MLLT10: variants seen among roughly 807,000 people sequenced by gnomAD.
MLLT10 encodes protein AF-10.
MLLT10 carries 30 observed loss-of-function variants against 129.1 expected under a neutral mutation model. The ratio of observed to expected loss-of-function variants is 0.23; its 90% CI spans 0.17 to 0.32. The LOEUF (loss-of-function observed/expected upper bound fraction) is 0.32, where lower values mean the gene tolerates loss of function less well. Among genes scored for constraint, MLLT10 ranks in the 10% least tolerant of loss-of-function variants. The pLI is 1.00. For synonymous variants in MLLT10, 490 were observed against 446.4 expected, an observed-to-expected ratio of 1.10 and a Z score of -1.23; for missense variants, 1,119 against 1,268.3, an observed-to-expected ratio of 0.88 and a Z score of 1.79.
chr10:21,715,280 A>T (rs1353900471), intron 14 of MLLT10, among the ~76,000 whole-genome samples: 4 of 152,230 alleles, frequency 2.6e-5, no homozygotes. Context: ...AACCCCAGAT[A>T]GTTCAGCACA....
At chr10:21,538,492 A>C (rs2034499825) in intron 2 of MLLT10, among the ~76,000 whole-genome samples, 1 of 150,996 alleles carries the variant, frequency 6.6e-6, no homozygotes, top group South Asian at 2.1e-4. Context: ...TTTTTTGTGG[A>C]GATGGAGTCT....
At chr10:21,584,442 C>T (rs1294738637) in intron 3 of MLLT10, among the ~76,000 whole-genome samples, 2 of 151,920 alleles carry the variant, frequency 1.3e-5, no homozygotes, top group Admixed American at 6.6e-5. Flanking sequence ...GGATTATAGG[C>T]GTGAGCCACC....
At chr10:21,644,687 G>A (rs1028378580) in intron 8 of MLLT10, among the ~76,000 whole-genome samples, 1 of 152,070 alleles carries the variant, frequency 6.6e-6, no homozygotes, top group Non-Finnish European at 1.5e-5. Context: ...TGTCCCCCAA[G>A]CTGGAGTGCA....
chr10:21,686,789 C>G (rs2053339165), intron 13 of MLLT10, among the ~76,000 whole-genome samples: 1 of 152,114 alleles, frequency 6.6e-6, no homozygotes, highest in Non-Finnish European at 1.5e-5. Context: ...TGAGACCAGC[C>G]TGCTCAACAT....
intron 8 of MLLT10, among the ~76,000 whole-genome samples, chr10:21,650,008 G>A (rs934324483): frequency 6.6e-6 from 1 of 152,088 alleles, no homozygotes; most frequent in Non-Finnish European, 1.5e-5. Flanking sequence ...AGCATCATTG[G>A]GTGGGAAGAT....
chr10:21,672,253 A>G (rs2051514458), intron 10 of MLLT10, among the ~76,000 whole-genome samples: 2 of 148,794 alleles, frequency 1.3e-5, no homozygotes, highest in South Asian at 4.2e-4. Flanking sequence ...GCTGGAGGGC[A>G]GTCATGTGAT....
In MLLT10 at chr10:21,563,634, G is replaced by GTTTTGTTTAATTACTTATTTGCTGA. The variant is rs2039143731; in HGVS notation, c.241-22659_241-22635dup. On this transcript the variant is annotated intron_variant, in intron 3 of 22. Transcript: ENST00000307729. Reference sequence around the variant, plus strand: ...TTAGTATTTGTTACAGTTAAACTGCGTTTTGTTTAATTACTTATTTGCTGA... The same window carrying GTTTTGTTTAATTACTTATTTGCTGA: ...TTAGTATTTGTTACAGTTAAACTGCGTTTTGTTTAATTACTTATTTGCTGATTTTGTTTAATTACTTATTTGCTGA... 2.6e-5 allele frequency among the ~76,000 whole-genome samples: 4 copies of GTTTTGTTTAATTACTTATTTGCTGA among 152,066 alleles called. No homozygotes were observed. The South Asian group carries it at 8.3e-4, about 32-fold the overall frequency.
At chr10:21,542,830 G>A (rs190533997) in intron 3 of MLLT10, among the ~76,000 whole-genome samples, 13 of 152,312 alleles carry the variant, frequency 8.5e-5, no homozygotes, top group Admixed American at 4.6e-4. Flanking sequence ...AGGTTGCAAT[G>A]AGCTATAGTC....
chr10:21,679,934 A>T (rs577627304), intron 11 of MLLT10, among the ~76,000 whole-genome samples: 4 of 152,208 alleles, frequency 2.6e-5, no homozygotes, highest in Admixed American at 6.5e-5. Flanking sequence ...CTTTAAAAAA[A>T]TTTTTGCCAA....
At chr10:21,642,177 C>T (rs1158811770) in intron 8 of MLLT10, among the ~76,000 whole-genome samples, 1 of 151,510 alleles carries the variant, frequency 6.6e-6, no homozygotes, top group Non-Finnish European at 1.5e-5. Flanking sequence ...ACGGTGAAAC[C>T]CAGTCTCTAT....
intron 4 of MLLT10, among the ~76,000 whole-genome samples, chr10:21,594,553 CAAAAAAAAAAA>C (rs34844830): frequency 1.7e-5 from 1 of 57,564 alleles, no homozygotes; most frequent in African/African-American, 7.6e-5. Flanking sequence ...AACTCTGTCT[CAAAAAAAAAAA>C]AAAAAAAAAA....
chr10:21,717,728 CTCCTCCTCT>C (rs1564711322), intron 14 of MLLT10, among the ~76,000 whole-genome samples: 4 of 115,926 alleles, frequency 3.5e-5, no homozygotes, highest in African/African-American at 1.4e-4. Context: ...CCTCCTCCTC[CTCCTCCTCT>C]TCCTCCTCCT....
At chr10:21,580,829 G>GTAGT (rs1458284435) in intron 3 of MLLT10, among the ~76,000 whole-genome samples, 1 of 148,290 alleles carries the variant, frequency 6.7e-6, no homozygotes, top group African/African-American at 2.5e-5. Context: ...AGCCTCCCGA[G>GTAGT]TAGTTGGGAT....
intron 11 of MLLT10, among the ~76,000 whole-genome samples, chr10:21,674,438 C>A (rs1269253754): frequency 1.3e-5 from 2 of 152,006 alleles, no homozygotes; most frequent in Non-Finnish European, 2.9e-5. Flanking sequence ...TTATGGAATC[C>A]AGCAGTCACA....
chr10:21,601,463 T>A (rs2043524506), intron 5 of MLLT10, among the ~76,000 whole-genome samples: 1 of 152,244 alleles, frequency 6.6e-6, no homozygotes, highest in Admixed American at 6.5e-5. Context: ...TTAAAATTGT[T>A]CATGAGATTA....
intron 21 of MLLT10, chr10:21,738,285 A>G: frequency 1.3e-6 from 1 of 750,704 alleles, no homozygotes; most frequent in Non-Finnish European, 1.9e-6. Flanking sequence ...AAAAATCTTA[A>G]ATGCTGACAC....
intron 3 of MLLT10, among the ~76,000 whole-genome samples, chr10:21,554,650 T>C (rs1446314312): frequency 6.6e-6 from 1 of 150,454 alleles, no homozygotes; most frequent in African/African-American, 2.4e-5. Flanking sequence ...TTGGTAGAGA[T>C]GAGGTTTCAC....
chr10:21,611,448 G>T (rs565978591), intron 5 of MLLT10, among the ~76,000 whole-genome samples: 1 of 152,016 alleles, frequency 6.6e-6, no homozygotes, highest in South Asian at 2.1e-4. Flanking sequence ...CCATTTGGTT[G>T]TGTTGAAGTT....
chr10:21,667,438 C>T (rs569466190), intron 9 of MLLT10, among the ~76,000 whole-genome samples: 5 of 131,440 alleles, frequency 3.8e-5, no homozygotes, highest in Non-Finnish European at 3.3e-5. Flanking sequence ...ATTTTTTGTT[C>T]GTTTGTTTTG....
Sources: allele counts gnomAD v4.1 joint callset (sites outside exome capture counted in the v4.1 genomes callset), GRCh38; gene constraint gnomAD v4.1.1; transcripts MANE v1.5; gene names NCBI Gene and HGNC (gene_info 2026-07-23, HGNC 2026-07-21).